The following CEP63 variants were observed in gnomAD, a reference collection of about 807,000 sequenced individuals.
CEP63 encodes the protein centrosomal protein 63.
CEP63 carries 84 observed loss-of-function variants against 89.1 expected under a neutral mutation model. That is an observed-to-expected ratio of 0.94 (90% confidence interval 0.79 to 1.13). The LOEUF (loss-of-function observed/expected upper bound fraction) is 1.13. CEP63 is among the 50% of genes most tolerant of loss of function. The pLI is 0.00. For missense variants in CEP63, 838 were observed against 813.3 expected (o/e 1.03, Z -0.37); for synonymous variants, 267 against 272.5 (o/e 0.98, Z 0.20).
the CEP63 span, among the ~76,000 whole-genome samples, chr3:134,751,383 A>G: frequency 6.6e-6 from 1 of 152,214 alleles, no homozygotes; most frequent in Non-Finnish European, 1.5e-5. Flanking sequence ...GTAAATATCT[A>G]TGAGTATATG....
At chr3:134,650,712 G>C in the CEP63 span, 1 of 996,188 alleles carries the variant, frequency 1.0e-6, no homozygotes, top group Non-Finnish European at 1.4e-6. Context: ...GGAGAGGGTC[G>C]GGTTCGCTGA....
chr3:134,665,588 G>A, the CEP63 span, among the ~76,000 whole-genome samples: 2 of 151,756 alleles, frequency 1.3e-5, no homozygotes, highest in African/African-American at 2.4e-5. Flanking sequence ...ATCTGTTCCC[G>A]GCCGCCAGCC....
chr3:134,678,099 C>T, the CEP63 span, among the ~76,000 whole-genome samples: 1 of 152,064 alleles, frequency 6.6e-6, no homozygotes, highest in Non-Finnish European at 1.5e-5. Flanking sequence ...TGCTGGGCTC[C>T]CACCTGCTTC....
chr3:134,738,288 A>ACC, the CEP63 span, among the ~76,000 whole-genome samples: 66 of 141,346 alleles, frequency 4.7e-4, no homozygotes, highest in South Asian at 0.012. Flanking sequence ...ACACACACAC[A>ACC]CCACAATATC....
chr3:134,701,325 C>CGTAT, the CEP63 span, among the ~76,000 whole-genome samples: 22 of 38,304 alleles, frequency 5.7e-4, 6 homozygotes, highest in Non-Finnish European at 1.2e-3. Flanking sequence ...TGTATATATA[C>CGTAT]ATATACACAC....
chr3:134,551,781 G>GTA (rs3060258), intron 11 of CEP63, 145 bp from the exon 12 acceptor site: 380 of 184,542 alleles, frequency 2.1e-3, no homozygotes, highest in South Asian at 6.8e-3. Context: ...ATATATATAT[G>GTA]TATATATATA....
intron 7 of CEP63, 135 bp from the exon 8 acceptor site, chr3:134,546,014 T>C: frequency 1.0e-6 from 1 of 969,494 alleles, no homozygotes; most frequent in Non-Finnish European, 1.6e-6. Context: ...TTACGTAACT[T>C]ATAGTCTGAC....
At chr3:134,636,912 T>C in the CEP63 span, among the ~76,000 whole-genome samples, 7 of 152,362 alleles carry the variant, frequency 4.6e-5, no homozygotes, top group Non-Finnish European at 8.8e-5. Flanking sequence ...TTGGCTATTT[T>C]CCTATTGAAG....
At chr3:134,496,041 A>G (rs1175717465) in intron 2 of CEP63, among the ~76,000 whole-genome samples, 1 of 152,248 alleles carries the variant, frequency 6.6e-6, no homozygotes, top group Admixed American at 6.5e-5. Context: ...ACATGGGGGT[A>G]CAAGTATCCC....
chr3:134,682,206 C>T, the CEP63 span, among the ~76,000 whole-genome samples: 5 of 152,132 alleles, frequency 3.3e-5, no homozygotes, highest in Non-Finnish European at 7.4e-5. Context: ...CATTTAGGAG[C>T]GGGTCAGGAG....
the CEP63 span, among the ~76,000 whole-genome samples, chr3:134,713,667 G>A: frequency 6.6e-6 from 1 of 151,788 alleles, no homozygotes; most frequent in African/African-American, 2.4e-5. Context: ...TCTGGGGTAT[G>A]AGATTGGTCT....
At chr3:134,583,815 T>G (rs532695899) in intron 10 of CEP63, among the ~76,000 whole-genome samples, 113 of 152,330 alleles carry the variant, frequency 7.4e-4, no homozygotes, top group African/African-American at 2.6e-3. Flanking sequence ...TCCATGAGTA[T>G]GGAATGTTCT....
chr3:134,508,506 A>G (rs1944027741), intron 3 of CEP63, among the ~76,000 whole-genome samples: 2 of 152,212 alleles, frequency 1.3e-5, no homozygotes, highest in Admixed American at 1.3e-4. Flanking sequence ...AGGGCAAAAC[A>G]AAATTCTGTT....
At position 134,547,378 on chromosome 3, in the gene CEP63, G is replaced by A. The variant is rs148270410; in HGVS notation, c.973G>A (p.Gly325Arg). The change falls in exon 9 of 15, where the codon GGG (glycine) becomes AGG (arginine). Residue 325 changes from glycine to arginine, a missense_variant. Physicochemically the swap from Gly to Arg is moderately radical, Grantham distance 125. Transcript: ENST00000675561. ...SLAEKKYTSQGQGDLDSVLSQ... is the reference protein window; with the variant it reads ...SLAEKKYTSQRQGDLDSVLSQ... ...GGCAGAAAAGAAGTACACCTCTCAA[G>A]GGCAGGGGGACTTAGACAGTGTGCT... is the stretch of plus-strand genomic sequence containing the variant. The A allele has an allele frequency of 6.1e-5, 99 of 1,613,554 alleles. No individual in the cohort carries two copies. In the African/African-American group the frequency reaches 1.2e-3, roughly 20 times the overall value.
the CEP63 span, among the ~76,000 whole-genome samples, chr3:134,664,855 A>G: frequency 5.8e-4 from 88 of 152,270 alleles, 1 homozygote; most frequent in Admixed American, 5.7e-3. Context: ...GGCTTGCTGC[A>G]TGGCCTGCAG....
the CEP63 span, chr3:134,619,165 G>C: frequency 6.2e-7 from 1 of 1,613,904 alleles, no homozygotes; most frequent in Non-Finnish European, 8.5e-7. Flanking sequence ...TTCTCTCGAA[G>C]AGGCCAGCAT....
the CEP63 span, among the ~76,000 whole-genome samples, chr3:134,781,879 ATC>A: frequency 1.3e-5 from 2 of 151,892 alleles, no homozygotes; most frequent in South Asian, 4.1e-4. Context: ...TATATTTTTC[ATC>A]TCTCTTTTAT....
the CEP63 span, among the ~76,000 whole-genome samples, chr3:134,777,776 G>C: frequency 6.6e-6 from 1 of 151,502 alleles, no homozygotes; most frequent in South Asian, 2.1e-4. Context: ...ACTATGCCGG[G>C]CTATTTTTTG....
intron 11 of CEP63, among the ~76,000 whole-genome samples, chr3:134,551,373 A>G (rs1954787540): frequency 6.6e-6 from 1 of 152,104 alleles, no homozygotes; most frequent in South Asian, 2.1e-4. Flanking sequence ...TGTAAAAAAG[A>G]TGTTGGAATG....
Sources: allele counts gnomAD v4.1 joint callset (sites outside exome capture counted in the v4.1 genomes callset), GRCh38; gene constraint gnomAD v4.1.1; transcripts MANE v1.5; gene names NCBI Gene and HGNC (gene_info 2026-07-23, HGNC 2026-07-21).